The following TP63 variants were observed in gnomAD, a reference collection of about 807,000 sequenced individuals.
The protein encoded by TP63 is tumor protein 63.
A neutral mutation model predicts 82.8 loss-of-function variants in TP63; 17 were observed. The observed-to-expected ratio is 0.21, with a 90% confidence interval of 0.14 to 0.31. The LOEUF (loss-of-function observed/expected upper bound fraction) is 0.31, where lower values mean the gene tolerates loss of function less well. TP63 is among the 10% of genes least tolerant of loss of function. The pLI is 1.00. For missense variants in TP63, 648 were observed against 895.3 expected, an observed-to-expected ratio of 0.72 and a Z score of 3.52; for synonymous variants, 330 against 321.7, an observed-to-expected ratio of 1.03 and a Z score of -0.28.
intron 13 of TP63, among the ~76,000 whole-genome samples, chr3:189,891,972 T>C (rs1478055843): frequency 6.6e-6 from 1 of 152,204 alleles, no homozygotes; most frequent in Non-Finnish European, 1.5e-5. Flanking sequence ...TGAGGTGACG[T>C]GTACATAGTG....
chr3:189,808,401 C>T lies in TP63; in HGVS notation c.454C>T (p.Pro152Ser), dbSNP rs766297918. 1 of 1,614,232 alleles carries T rather than the reference C, an allele frequency of 6.2e-7. No individual in the cohort carries two copies. The highest frequency in any genetic ancestry group is 8.5e-7 in the Non-Finnish European group (1 of 1,180,050). Residue 152 changes from proline to serine, a missense_variant, in exon 4 of 14, where the codon CCC becomes TCC. Physicochemically the swap from Pro to Ser is moderately conservative, Grantham distance 74 (BLOSUM62 -1). This residue lies in a region of TP63 where 182 missense variants were observed against 213.6 expected (regional missense o/e 0.85). Transcript: ENST00000264731. Reference protein sequence around the residue: ...SVTAPSPYAQPSSTFDALSPS... With the variant: ...SVTAPSPYAQSSSTFDALSPS... ...CACGGCGCCCTCGCCCTACGCACAG[C>T]CCAGCTCCACCTTCGATGCTCTCTC... is the stretch of plus-strand genomic sequence containing the variant.
chr3:189,841,993 G>C (rs1714190671), intron 4 of TP63, among the ~76,000 whole-genome samples: 1 of 152,194 alleles, frequency 6.6e-6, no homozygotes, highest in South Asian at 2.1e-4. Flanking sequence ...AACAAAGTAA[G>C]AGCTGAGGAA....
At chr3:189,614,248 C>T in the TP63 span, among the ~76,000 whole-genome samples, 1 of 152,148 alleles carries the variant, frequency 6.6e-6, no homozygotes, top group Non-Finnish European at 1.5e-5. Flanking sequence ...CTGTGCTATT[C>T]TCTTGATAGT....
intron 4 of TP63, among the ~76,000 whole-genome samples, chr3:189,837,449 T>TTTAAATTAAGAAATTTTAAATTTAAA (rs1713319754): frequency 1.5e-5 from 1 of 68,380 alleles, no homozygotes; most frequent in Non-Finnish European, 3.4e-5. Context: ...AAAATCCAAT[T>TTTAAATTAAGAAATTTTAAATTTAAA]TCAAATTAAG....
At chr3:189,739,021 G>A (rs1577330003) in intron 3 of TP63, 1 of 548,914 alleles carries the variant, frequency 1.8e-6, no homozygotes, top group East Asian at 3.3e-5. Flanking sequence ...CTTTTATCTT[G>A]ATTGTTCCTC....
intron 4 of TP63, among the ~76,000 whole-genome samples, chr3:189,843,444 T>G (rs1246464733): frequency 1.3e-5 from 2 of 152,194 alleles, no homozygotes; most frequent in Non-Finnish European, 2.9e-5. Flanking sequence ...CAGGCGGCCC[T>G]TTGGCTGGAG....
chr3:189,881,211 C>T (rs774928066), intron 10 of TP63: 16 of 985,232 alleles, frequency 1.6e-5, no homozygotes, highest in Non-Finnish European at 1.8e-5. Flanking sequence ...TCCAAGCAGA[C>T]GTGTTAAAAT....
chr3:189,643,212 G>C (rs1712075930), intron 1 of TP63, among the ~76,000 whole-genome samples: 1 of 152,028 alleles, frequency 6.6e-6, no homozygotes, highest in Admixed American at 6.5e-5. Flanking sequence ...TGTTGGCCAG[G>C]CTGGTCTCGA....
At chr3:189,737,997 C>A (rs1720719420) in intron 2 of TP63, 129 bp downstream of exon 2, 2 of 1,062,450 alleles carry the variant, frequency 1.9e-6, no homozygotes. Flanking sequence ...GTTAATGACT[C>A]CAATGCCATC....
At chr3:189,671,790 A>G (rs1215785850) in intron 1 of TP63, among the ~76,000 whole-genome samples, 2 of 152,182 alleles carry the variant, frequency 1.3e-5, no homozygotes, top group Non-Finnish European at 2.9e-5. Context: ...AGTCAGAGAC[A>G]GAAAGACAAA....
At chr3:189,795,738 C>G (rs1291403786) in intron 3 of TP63, among the ~76,000 whole-genome samples, 1 of 151,956 alleles carries the variant, frequency 6.6e-6, no homozygotes, top group African/African-American at 2.4e-5. Flanking sequence ...GAGCGGAAAC[C>G]TATATGTGTT....
At position 189,739,186 on chromosome 3, in the gene TP63, G is replaced by C. The variant is rs143352600; in HGVS notation, c.324+412G>C. Among the ~76,000 whole-genome samples, 592 of 152,280 alleles carry C rather than the reference G, an allele frequency of 3.9e-3. 5 individuals are homozygous for C. Among genetic ancestry groups the C allele is most frequent in the African/African-American group, 0.014 (564 of 41,546 alleles). ...GCTGGAGTGCAGTGGCAGGATCTCA[G>C]CTCATTGCAACCTCTGCTTCCCTGA... is the stretch of plus-strand genomic sequence containing the variant. On this transcript the variant is annotated intron_variant, in intron 3 of 13. Coordinates refer to ENST00000264731, the MANE Select transcript of TP63 (RefSeq NM_003722.5).
At chr3:189,609,626 T>C in the TP63 span, among the ~76,000 whole-genome samples, 93 of 152,296 alleles carry the variant, frequency 6.1e-4, no homozygotes, top group African/African-American at 2.1e-3. Context: ...AGTGAGAACA[T>C]GCAGTATTTG....
chr3:189,602,219 G>A, the TP63 span, among the ~76,000 whole-genome samples: 1 of 152,130 alleles, frequency 6.6e-6, no homozygotes, highest in African/African-American at 2.4e-5. Flanking sequence ...AAAATAAAAG[G>A]CTAATTCAAA....
intron 3 of TP63, among the ~76,000 whole-genome samples, chr3:189,798,503 T>TA (rs749184186): frequency 5.5e-4 from 84 of 151,970 alleles, no homozygotes; most frequent in Admixed American, 2.2e-3. Flanking sequence ...TGTGTTTGAT[T>TA]AAAAAAAAGT....
chr3:189,863,787 A>G (rs983171810), intron 4 of TP63, among the ~76,000 whole-genome samples: 19 of 152,174 alleles, frequency 1.2e-4, no homozygotes, highest in African/African-American at 4.6e-4. Flanking sequence ...GAGTGTCTCT[A>G]AAGTATATTA....
intron 3 of TP63, among the ~76,000 whole-genome samples, chr3:189,780,689 A>T (rs941076556): frequency 6.6e-6 from 1 of 152,140 alleles, no homozygotes; most frequent in African/African-American, 2.4e-5. Context: ...TTTTTCTCCC[A>T]TGGCTTAGTG....
At chr3:189,846,003 A>C (rs62279958) in intron 4 of TP63, among the ~76,000 whole-genome samples, 4,558 of 151,960 alleles carry the variant, frequency 0.03, 100 homozygotes, top group Non-Finnish European at 0.048. Context: ...GTGTGCTGAT[A>C]TTACCTGGCA....
At chr3:189,729,384 C>T (rs1288905495) in intron 1 of TP63, among the ~76,000 whole-genome samples, 2 of 151,986 alleles carry the variant, frequency 1.3e-5, no homozygotes, top group African/African-American at 2.4e-5. Context: ...AGAAGCAAGC[C>T]GTGAAGCTGT....
Sources: allele counts gnomAD v4.1 joint callset (sites outside exome capture counted in the v4.1 genomes callset), GRCh38; gene constraint gnomAD v4.1.1; regional missense constraint gnomAD v4.1.1; transcripts MANE v1.5; gene names NCBI Gene and HGNC (gene_info 2026-07-23, HGNC 2026-07-21).